The following CDH18 variants were observed in gnomAD, a reference collection of about 807,000 sequenced individuals.
The protein encoded by CDH18 is cadherin-18.
Under a neutral mutation model 67.9 loss-of-function variants are expected in CDH18, and 31 were observed. The ratio of observed to expected loss-of-function variants is 0.46; its 90% CI spans 0.34 to 0.62. The LOEUF is 0.62. Among genes scored for constraint, CDH18 ranks in the 20% least tolerant of loss-of-function variants. The probability of loss-of-function intolerance (pLI) is 0.01; values close to 1 mark genes in which losing one functional copy is unlikely to be tolerated. For synonymous variants in CDH18, 362 were observed against 347.2 expected, an observed-to-expected ratio of 1.04 and a Z score of -0.48; for missense variants, 890 against 975.5, an observed-to-expected ratio of 0.91 and a Z score of 1.17.
chr5:20,201,663 A>G (rs567949630), intron 2 of CDH18, among the ~76,000 whole-genome samples: 1 of 152,298 alleles, frequency 6.6e-6, no homozygotes, highest in African/African-American at 2.4e-5. Context: ...ATACATGAAT[A>G]AAAGAACATT....
intron 7 of CDH18, among the ~76,000 whole-genome samples, chr5:19,579,017 A>G (rs1445503317): frequency 6.6e-6 from 1 of 152,036 alleles, no homozygotes; most frequent in East Asian, 1.9e-4. Flanking sequence ...GTTTTACTAA[A>G]TATTCTATAG....
intron 10 of CDH18, among the ~76,000 whole-genome samples, chr5:19,507,403 G>T (rs1425793079): frequency 2.0e-5 from 3 of 152,090 alleles, no homozygotes; most frequent in Admixed American, 6.6e-5. Context: ...TCCCATTACT[G>T]GGTATATACC....
At chr5:20,002,565 C>T (rs1201596667) in intron 2 of CDH18, among the ~76,000 whole-genome samples, 1 of 152,166 alleles carries the variant, frequency 6.6e-6, no homozygotes, top group African/African-American at 2.4e-5. Context: ...ACAATAGACA[C>T]AACCTCTCAG....
rs1025205576 is a variant in CDH18, at chr5:20,219,412, T to C, written c.-518+36032A>G. On this transcript the variant is annotated intron_variant, in intron 2 of 14. Coordinates refer to the CDH18 transcript ENST00000507958. The stretch of plus-strand genomic sequence containing the variant: ...TACCAAATATGTAAAGAAGAACTAA[T>C]ATCAATCTTACTCAAAACTATTCAG... 2.0e-5 allele frequency among the ~76,000 whole-genome samples: 3 copies of C among 151,240 alleles called. No individual in the cohort carries two copies. In the Admixed American group the frequency reaches 2.0e-4, roughly 10 times the overall value.
intron 1 of CDH18, among the ~76,000 whole-genome samples, chr5:20,313,025 T>C (rs1019204701): frequency 2.0e-5 from 3 of 152,142 alleles, no homozygotes; most frequent in South Asian, 2.1e-4. Context: ...ATTAATCCTA[T>C]TTTTTCAGGA....
chr5:20,531,162 A>G (rs892789658), intron 1 of CDH18, among the ~76,000 whole-genome samples: 1 of 152,140 alleles, frequency 6.6e-6, no homozygotes, highest in Non-Finnish European at 1.5e-5. Context: ...TGATAATTAG[A>G]GAATTGCAAA....
chr5:20,470,353 G>A lies in CDH18; in HGVS notation c.-580+105109C>T, dbSNP rs1423683680. ...TAATCAAGTCTTGAAGCTGAGCAGTGACATGAATGGAGAAAAACACACAAC... is the reference window on the plus strand; with the variant it reads ...TAATCAAGTCTTGAAGCTGAGCAGTAACATGAATGGAGAAAAACACACAAC... On this transcript the variant is annotated intron_variant, in intron 1 of 14. Coordinates refer to the CDH18 transcript ENST00000507958. Among the ~76,000 whole-genome samples, 4 of 152,094 alleles carry A rather than the reference G, an allele frequency of 2.6e-5. No homozygotes were observed. In the East Asian group the frequency reaches 5.8e-4, roughly 22 times the overall value.
At position 20,525,342 on chromosome 5, in the gene CDH18, G is replaced by A. The variant is rs183384482; in HGVS notation, c.-580+50120C>T. ...GGGTTTTGTAGTGTCAGCATTTACT[G>A]AGGCGGGGTTCATCTTAGCCTAGAA... On this transcript the variant is annotated intron_variant, in intron 1 of 14. Transcript: ENST00000507958. Among the ~76,000 whole-genome samples the A allele has an allele frequency of 1.3e-4, 20 of 152,176 alleles. No individual in the cohort carries two copies. The East Asian group carries it at 3.7e-3, about 28-fold the overall frequency.
chr5:20,172,265 C>T (rs1297919878), intron 2 of CDH18, among the ~76,000 whole-genome samples: 1 of 60,234 alleles, frequency 1.7e-5, no homozygotes, highest in Non-Finnish European at 3.4e-5. Flanking sequence ...TATCTCCTCT[C>T]TGAGCTTATA....
At chr5:19,559,327 T>C (rs970122434) in intron 8 of CDH18, among the ~76,000 whole-genome samples, 5 of 152,096 alleles carry the variant, frequency 3.3e-5, no homozygotes, top group African/African-American at 7.2e-5. Flanking sequence ...TAATCCACCA[T>C]GATCGAGTAG....
intron 5 of CDH18, among the ~76,000 whole-genome samples, chr5:19,647,244 C>T (rs144400854): frequency 2.0e-5 from 3 of 151,766 alleles, no homozygotes; most frequent in South Asian, 2.1e-4. Flanking sequence ...ATTGTAAGGC[C>T]GGGTGCAGTG....
At chr5:19,947,400 A>C (rs2150250553) in intron 2 of CDH18, among the ~76,000 whole-genome samples, 1 of 152,052 alleles carries the variant, frequency 6.6e-6, no homozygotes, top group East Asian at 1.9e-4. Context: ...TCTTCAGGAT[A>C]TATATAGGCA....
intron 12 of CDH18, among the ~76,000 whole-genome samples, chr5:19,480,286 CA>C (rs1186779411): frequency 1.3e-5 from 2 of 151,686 alleles, no homozygotes; most frequent in African/African-American, 4.8e-5. Flanking sequence ...CAAATATACA[CA>C]AAAAAGAAGT....
intron 2 of CDH18, among the ~76,000 whole-genome samples, chr5:20,116,956 T>A (rs188980285): frequency 1.3e-5 from 2 of 152,140 alleles, no homozygotes; most frequent in African/African-American, 2.4e-5. Context: ...AAAACAAAAC[T>A]TTTTACCCAT....
At position 20,127,394 on chromosome 5, in the gene CDH18, G is replaced by A. The variant is rs185484907; in HGVS notation, c.-518+128050C>T. The stretch of plus-strand genomic sequence containing the variant: ...AGTCTTGGTAGTTCTTTACAGTAAC[G>A]TGAGAATGGACTAATACAACAAGAT... On this transcript the variant is annotated intron_variant, in intron 2 of 14. Transcript: ENST00000507958. 3.7e-4 allele frequency among the ~76,000 whole-genome samples: 57 copies of A among 152,094 alleles called. No homozygotes were observed. In the South Asian group the frequency reaches 7.5e-3, roughly 20 times the overall value.
At chr5:20,527,165 C>T (rs1409485961) in intron 1 of CDH18, among the ~76,000 whole-genome samples, 1 of 151,858 alleles carries the variant, frequency 6.6e-6, no homozygotes, top group Non-Finnish European at 1.5e-5. Flanking sequence ...AATATCAGAG[C>T]TTGAAGACCA....
upstream of CDH18, among the ~76,000 whole-genome samples, chr5:19,991,514 A>T (rs1799977111): frequency 6.6e-6 from 1 of 152,200 alleles, no homozygotes; most frequent in South Asian, 2.1e-4. Flanking sequence ...AAAAAGAGCT[A>T]GTAAATTATA....
chr5:20,418,153 G>A (rs1747488935), intron 1 of CDH18, among the ~76,000 whole-genome samples: 1 of 151,302 alleles, frequency 6.6e-6, no homozygotes, highest in Non-Finnish European at 1.5e-5. Context: ...TTGGCTCACC[G>A]CAACCTCCGC....
chr5:20,156,198 GAACTATCATTCA>G (rs1442688138), intron 2 of CDH18, among the ~76,000 whole-genome samples: 1 of 151,946 alleles, frequency 6.6e-6, no homozygotes, highest in Non-Finnish European at 1.5e-5. Flanking sequence ...ACTAAAAATG[GAACTATCATTCA>G]AACCAGCTAT....
Sources: allele counts gnomAD v4.1 joint callset (sites outside exome capture counted in the v4.1 genomes callset), GRCh38; gene constraint gnomAD v4.1.1; transcripts MANE v1.5; gene names NCBI Gene and HGNC (gene_info 2026-07-23, HGNC 2026-07-21).